The following KLHL4 variants were observed in gnomAD, a reference collection of about 807,000 sequenced individuals.
KLHL4 encodes kelch like family member 4.
KLHL4 carries 17 observed loss-of-function variants against 45.8 expected under a neutral mutation model. The ratio of observed to expected loss-of-function variants is 0.37; its 90% CI spans 0.25 to 0.56. KLHL4 has a LOEUF of 0.56. Among genes scored for constraint, KLHL4 ranks in the 20% least tolerant of loss-of-function variants. The probability of loss-of-function intolerance (pLI) is 0.79; values close to 1 mark genes in which losing one functional copy is unlikely to be tolerated. For missense variants in KLHL4, 544 were observed against 544.9 expected (o/e 1.00, Z 0.02); for synonymous variants, 224 against 189.9 (o/e 1.18, Z -1.47).
intron 1 of KLHL4, among the ~76,000 whole-genome samples, chrX:87,607,325 C>A (rs1257662827): frequency 9.0e-6 from 1 of 111,046 alleles, no homozygotes; most frequent in African/African-American, 3.3e-5. Context: ...TGTTCCGTAG[C>A]ATTGATTTCA....
intron 1 of KLHL4, among the ~76,000 whole-genome samples, chrX:87,527,784 C>T (rs1030393575): frequency 9.7e-6 from 1 of 103,445 alleles, no homozygotes; most frequent in East Asian, 3.1e-4. Flanking sequence ...GAAAGAAAGA[C>T]TCTCTCTGGG....
chrX:87,643,598 C>CA (rs1397688827), intron 9 of KLHL4, among the ~76,000 whole-genome samples: 4 of 110,874 alleles, frequency 3.6e-5, no homozygotes, highest in South Asian at 3.8e-4. Flanking sequence ...AAGACATAAC[C>CA]AAAAAAGAAA....
At chrX:87,529,009 G>A (rs1457827073) in intron 1 of KLHL4, among the ~76,000 whole-genome samples, 2 of 110,160 alleles carry the variant, frequency 1.8e-5, no homozygotes, top group Non-Finnish European at 3.8e-5. Flanking sequence ...AGATTTCTCA[G>A]TAGAAACTTT....
intron 9 of KLHL4, among the ~76,000 whole-genome samples, chrX:87,654,888 C>T (rs1370407764): frequency 9.0e-6 from 1 of 111,593 alleles, no homozygotes; most frequent in Non-Finnish European, 1.9e-5. Flanking sequence ...ACATTTTTCT[C>T]ATGATTAGTA....
At chrX:87,547,589 G>A (rs1376423350) in intron 1 of KLHL4, among the ~76,000 whole-genome samples, 1 of 111,277 alleles carries the variant, frequency 9.0e-6, no homozygotes, top group Admixed American at 9.6e-5. Flanking sequence ...TTAGGAGGCT[G>A]AGGCGGGTGG....
At chrX:87,540,163 G>A (rs190898220) in intron 1 of KLHL4, among the ~76,000 whole-genome samples, 4 of 111,297 alleles carry the variant, frequency 3.6e-5, no homozygotes, top group South Asian at 3.8e-4. Flanking sequence ...GTTGTTCTAG[G>A]TGAGTTAGTG....
intron 9 of KLHL4, among the ~76,000 whole-genome samples, chrX:87,650,950 C>A (rs1923795556): frequency 9.0e-6 from 1 of 111,247 alleles, no homozygotes; most frequent in African/African-American, 3.3e-5. Context: ...TATTCACTAG[C>A]AAAAGAACAG....
In KLHL4 at chrX:87,625,052, G is replaced by A. The variant is rs375136814; in HGVS notation, c.1138-558G>A. Among the ~76,000 whole-genome samples the A allele has an allele frequency of 1.2e-3, 130 of 112,577 alleles. 2 individuals carry two copies. The South Asian group carries it at 0.046, about 40-fold the overall frequency. On this transcript the variant is annotated intron_variant, in intron 5 of 10. Coordinates refer to ENST00000373119, the MANE Select transcript of KLHL4 (RefSeq NM_019117.5). ...GCAGTAGACTAGGAGATTCTTGCTT[G>A]TGCAGACAGAGCCATTCTCTTTAAC...
intron 9 of KLHL4, among the ~76,000 whole-genome samples, chrX:87,648,372 G>C (rs1923704527): frequency 9.0e-6 from 1 of 111,355 alleles, no homozygotes; most frequent in Non-Finnish European, 1.9e-5. Flanking sequence ...CAAAACCATT[G>C]AAGCAAAGAA....
chrX:87,656,242 G>A, intron 9 of KLHL4, among the ~76,000 whole-genome samples: 1 of 110,688 alleles, frequency 9.0e-6, no homozygotes, highest in East Asian at 2.8e-4. Flanking sequence ...TCCTGGACTA[G>A]GGAAGTTTTC....
chrX:87,589,049 T>C (rs1921574987), intron 1 of KLHL4, among the ~76,000 whole-genome samples: 1 of 111,534 alleles, frequency 9.0e-6, no homozygotes, highest in South Asian at 3.7e-4. Flanking sequence ...AACAGTTATA[T>C]GAGAAGGTGC....
intron 1 of KLHL4, among the ~76,000 whole-genome samples, chrX:87,551,608 T>A (rs73246710): frequency 9.3e-6 from 1 of 107,110 alleles, no homozygotes; most frequent in Non-Finnish European, 1.9e-5. Flanking sequence ...GATAGATAGA[T>A]AGAAATAGAA....
chrX:87,642,410 C>T (rs1569360362), intron 9 of KLHL4, among the ~76,000 whole-genome samples: 1 of 111,870 alleles, frequency 8.9e-6, no homozygotes, highest in African/African-American at 3.3e-5. Flanking sequence ...CAGCCCCAGA[C>T]CTTCCCTCTG....
intron 3 of KLHL4, among the ~76,000 whole-genome samples, chrX:87,617,351 A>G (rs1275089144): frequency 9.1e-6 from 1 of 109,627 alleles, no homozygotes; most frequent in Non-Finnish European, 1.9e-5. Context: ...GCTAATGTAG[A>G]TACAAAAAAA....
intron 1 of KLHL4, among the ~76,000 whole-genome samples, chrX:87,567,432 A>G (rs1368811654): frequency 8.9e-6 from 1 of 111,902 alleles, no homozygotes; most frequent in Non-Finnish European, 1.9e-5. Context: ...AAAAATTAAC[A>G]TAGAATTATG....
intron 9 of KLHL4, among the ~76,000 whole-genome samples, 183 bp downstream of exon 9, chrX:87,635,958 C>G (rs906482439): frequency 2.3e-4 from 26 of 111,849 alleles, no homozygotes; most frequent in Middle Eastern, 4.6e-3. Flanking sequence ...CTCTAAGACT[C>G]TAGTCCCCTC....
chrX:87,531,488 T>C (rs1259695700), intron 1 of KLHL4, among the ~76,000 whole-genome samples: 1 of 109,778 alleles, frequency 9.1e-6, no homozygotes, highest in East Asian at 2.9e-4. Flanking sequence ...CCAGGGCAAT[T>C]AGGCAGGAGA....
In KLHL4 at chrX:87,603,962, A is replaced by G. The variant is rs188392551; in HGVS notation, c.423-9915A>G. ...TATGATATCAACTCTTTTGTTTCTT[A>G]ATTCCACGTATTAGTGAGATCATGT... On this transcript the variant is annotated intron_variant, in intron 1 of 10. Transcript: ENST00000373119. Among the ~76,000 whole-genome samples the G allele has an allele frequency of 1.2e-3, 132 of 110,403 alleles. 2 individuals carry two copies. Among genetic ancestry groups the G allele is most frequent in the African/African-American group, 4.3e-3 (131 of 30,472 alleles).
At chrX:87,620,020 A>G (rs898890386) in intron 4 of KLHL4, among the ~76,000 whole-genome samples, 1 of 111,717 alleles carries the variant, frequency 9.0e-6, no homozygotes, top group African/African-American at 3.3e-5. Flanking sequence ...CTCATCCAGA[A>G]CTACCATCAC....
Sources: allele counts gnomAD v4.1 joint callset (sites outside exome capture counted in the v4.1 genomes callset), GRCh38; gene constraint gnomAD v4.1.1; transcripts MANE v1.5; gene names NCBI Gene and HGNC (gene_info 2026-07-23, HGNC 2026-07-21).